The following ADI1 variants were observed in gnomAD, a reference collection of about 807,000 sequenced individuals.
ADI1 encodes the protein acireductone dioxygenase 1.
Under a neutral mutation model 18.7 loss-of-function variants are expected in ADI1, and 21 were observed. The ratio of observed to expected loss-of-function variants is 1.13; its 90% CI spans 0.80 to 1.62. ADI1 has a LOEUF of 1.62. ADI1 is among the 40% of genes most tolerant of loss of function. The pLI, the probability that ADI1 is intolerant of heterozygous loss-of-function variation, is 0.00. For synonymous variants in ADI1, 90 were observed against 100.1 expected (o/e 0.90, Z 0.60); for missense variants, 245 against 254.9 (o/e 0.96, Z 0.26).
chr2:3,518,752 G>A (rs1667463784), intron 1 of ADI1, among the ~76,000 whole-genome samples: 1 of 152,192 alleles, frequency 6.6e-6, no homozygotes, highest in South Asian at 2.1e-4. Flanking sequence ...AGAAACCCCT[G>A]GGCCTTTGAC....
intron 2 of ADI1, among the ~76,000 whole-genome samples, chr2:3,512,715 A>G (rs1667317248): frequency 6.6e-6 from 1 of 152,164 alleles, no homozygotes; most frequent in South Asian, 2.1e-4. Context: ...CTCATGGAGA[A>G]CCTCTACTAT....
chr2:3,500,524 C>T, intron 3 of ADI1: 1 of 182,196 alleles, frequency 5.5e-6, no homozygotes, highest in Non-Finnish European at 8.5e-6. Flanking sequence ...TGGGTGTGTA[C>T]CTGCCGCCGC....
At chr2:3,509,718 A>C (rs1467831124) in intron 2 of ADI1, among the ~76,000 whole-genome samples, 1 of 152,080 alleles carries the variant, frequency 6.6e-6, no homozygotes, top group Non-Finnish European at 1.5e-5. Context: ...TTACAGCACT[A>C]AACCCCCGTA....
chr2:3,509,895 G>A (rs1270061457), intron 2 of ADI1, among the ~76,000 whole-genome samples: 1 of 151,626 alleles, frequency 6.6e-6, no homozygotes, highest in Non-Finnish European at 1.5e-5. Flanking sequence ...TGTAATCCCA[G>A]CACTTTGGGA....
chr2:3,500,475 C>A, intron 3 of ADI1: 1 of 455,834 alleles, frequency 2.2e-6, no homozygotes, highest in East Asian at 3.9e-5. Flanking sequence ...CCTAGAGATG[C>A]CTCACCGCCA....
chr2:3,501,063 GC>G (rs1666994766), intron 2 of ADI1, 70 bp from the exon 3 acceptor site: 1 of 1,412,890 alleles, frequency 7.1e-7, no homozygotes, highest in South Asian at 1.4e-5. Context: ...CACCCACTCA[GC>G]AGCCTGAGCC....
rs1488737537 is a variant in ADI1 at position 3,497,759 on chromosome 2, C to T, written c.*1204G>A. 1 of 152,150 alleles carries T rather than the reference C, an allele frequency of 6.6e-6. No individual in the cohort carries two copies. The highest frequency in any genetic ancestry group is 2.4e-5 in the African/African-American group (1 of 41,438). The allele number at this position is 152,150 out of a possible 1,614,324, so 9.4% of individuals were successfully genotyped here. Reference sequence around the variant, plus strand: ...ACTAGAGTCCGCAGGAGGCCAGCCCCGCACGAGGAGTTTCAAACACTAAGG... The same window carrying T: ...ACTAGAGTCCGCAGGAGGCCAGCCCTGCACGAGGAGTTTCAAACACTAAGG... On this transcript the variant is annotated 3_prime_UTR_variant, in exon 4 of 4. Transcript: ENST00000327435.
intron 1 of ADI1, among the ~76,000 whole-genome samples, chr2:3,518,959 C>T (rs1471398318): frequency 6.6e-6 from 1 of 151,838 alleles, no homozygotes; most frequent in Non-Finnish European, 1.5e-5. Flanking sequence ...GCAGCACACC[C>T]CAGGCAACAG....
intron 2 of ADI1, among the ~76,000 whole-genome samples, chr2:3,508,334 CAAAAAAA>C (rs33977448): frequency 1.2e-3 from 33 of 26,922 alleles, no homozygotes; most frequent in Non-Finnish European, 4.9e-4. Context: ...GACTCTGTCT[CAAAAAAA>C]AAAAAAAAAA....
At chr2:3,514,070 C>T (rs970695344) in intron 1 of ADI1, 94 bp from the exon 2 acceptor site, 1 of 1,402,968 alleles carries the variant, frequency 7.1e-7, no homozygotes, top group African/African-American at 1.4e-5. Context: ...TTTTATACTC[C>T]AAATTTATCA....
At chr2:3,515,035 C>A (rs966161069) in intron 1 of ADI1, 10 of 578,976 alleles carry the variant, frequency 1.7e-5, no homozygotes, top group Non-Finnish European at 2.7e-5. Flanking sequence ...GTTAACTGTA[C>A]AAATTGATTG....
At chr2:3,519,139 C>T (rs1041627440) in intron 1 of ADI1, 6 of 478,704 alleles carry the variant, frequency 1.3e-5, no homozygotes, top group African/African-American at 2.0e-5. Flanking sequence ...GCATGCGCAG[C>T]ACACCCAGGC....
intron 2 of ADI1, among the ~76,000 whole-genome samples, chr2:3,510,708 G>C (rs181513325): frequency 1.3e-5 from 2 of 152,246 alleles, no homozygotes; most frequent in Admixed American, 1.3e-4. Context: ...AATGCCTTGA[G>C]AGAAACAAAC....
intron 1 of ADI1, chr2:3,517,819 T>C (rs1202740664): frequency 6.6e-6 from 1 of 151,912 alleles, no homozygotes; most frequent in Non-Finnish European, 1.5e-5. Context: ...GTAAACATGA[T>C]TTAATTTTGA....
At chr2:3,513,765 C>T in intron 2 of ADI1, 92 bp downstream of exon 2, 2 of 1,372,590 alleles carry the variant, frequency 1.5e-6, no homozygotes, top group Non-Finnish European at 2.0e-6. Flanking sequence ...TGGCCTCATA[C>T]AGACATTAAA....
chr2:3,507,453 A>T (rs1376874758), intron 2 of ADI1, among the ~76,000 whole-genome samples: 1 of 152,146 alleles, frequency 6.6e-6, no homozygotes, highest in Non-Finnish European at 1.5e-5. Flanking sequence ...AACCTATAGA[A>T]GAAAAAAGAA....
intron 2 of ADI1, 55 bp from the exon 3 acceptor site, chr2:3,501,048 A>C (rs34240449): frequency 3.4e-6 from 5 of 1,482,508 alleles, no homozygotes; most frequent in Non-Finnish European, 4.5e-6. Flanking sequence ...ACGCAAGCTC[A>C]CACCCACCCA....
At chr2:3,513,006 G>A (rs1302020777) in intron 2 of ADI1, among the ~76,000 whole-genome samples, 1 of 152,234 alleles carries the variant, frequency 6.6e-6, no homozygotes, top group Admixed American at 6.5e-5. Flanking sequence ...TGGAGTCAAA[G>A]GGTATTATTT....
chr2:3,508,359 A>C lies in ADI1; in HGVS notation c.240+5498T>G, dbSNP rs1475725592. On this transcript the variant is annotated intron_variant, in intron 2 of 3. Transcript: ENST00000327435. The stretch of plus-strand genomic sequence containing the variant: ...CAAAAAAAAAAAAAAAAAAAAAAAA[A>C]ACAATAACAAAGAACAAGCACAACA... Among the ~76,000 whole-genome samples the C allele has an allele frequency of 4.1e-5, 6 of 147,774 alleles. No individual in the cohort carries two copies. The East Asian group carries it at 1.2e-3, about 29-fold the overall frequency.
Sources: allele counts gnomAD v4.1 joint callset (sites outside exome capture counted in the v4.1 genomes callset), GRCh38; gene constraint gnomAD v4.1.1; transcripts MANE v1.5; gene names NCBI Gene and HGNC (gene_info 2026-07-23, HGNC 2026-07-21).